Variants in CACNB2 observed in about 807,000 individuals in gnomAD.
The protein encoded by CACNB2 is calcium voltage-gated channel auxiliary subunit beta 2.
CACNB2 carries 42 observed loss-of-function variants against 73.3 expected under a neutral mutation model. The ratio of observed to expected loss-of-function variants is 0.57; its 90% CI spans 0.45 to 0.74. The LOEUF (loss-of-function observed/expected upper bound fraction) is 0.74. Ranked by LOEUF, CACNB2 falls within the 30% of genes least tolerant of loss-of-function variation. The pLI, the probability that CACNB2 is intolerant of heterozygous loss-of-function variation, is 0.00. For synonymous variants in CACNB2, 348 were observed against 310.3 expected (o/e 1.12, Z -1.28); for missense variants, 940 against 853.0 (o/e 1.10, Z -1.27).
chr10:18,507,219 A>C (rs1274279869), intron 6 of CACNB2, among the ~76,000 whole-genome samples: 2 of 152,202 alleles, frequency 1.3e-5, no homozygotes, highest in Non-Finnish European at 2.9e-5. Context: ...CAGAAGGATA[A>C]AAACTTTAGA....
At chr10:18,285,806 G>T (rs144043720) in intron 2 of CACNB2, among the ~76,000 whole-genome samples, 1 of 151,880 alleles carries the variant, frequency 6.6e-6, no homozygotes, top group Admixed American at 6.6e-5. Flanking sequence ...CTATAAACTC[G>T]ATCCTTTCAA....
chr10:18,257,569 A>G (rs755360095), intron 2 of CACNB2, among the ~76,000 whole-genome samples: 2 of 152,222 alleles, frequency 1.3e-5, no homozygotes, highest in Non-Finnish European at 2.9e-5. Flanking sequence ...GTGCTTTTGC[A>G]TCTTCTGCCC....
chr10:18,537,850 G>T (rs2053756954), intron 12 of CACNB2, among the ~76,000 whole-genome samples: 1 of 152,132 alleles, frequency 6.6e-6, no homozygotes, highest in Non-Finnish European at 1.5e-5. Flanking sequence ...ATTCTATTCT[G>T]TTCAAATATA....
In CACNB2 at chr10:18,148,017, T is replaced by A. The variant is rs919101116; in HGVS notation, c.121-2866T>A. On this transcript the variant is annotated intron_variant, in intron 1 of 13. Transcript: ENST00000324631. ...ATTAGCTTTCCAAAGATGCTTTAAA[T>A]GTTTTTTTGTTTTCTGATCCTGACT... Among the ~76,000 whole-genome samples the A allele has an allele frequency of 3.0e-4, 46 of 152,088 alleles. 2 individuals are homozygous for A. The highest frequency in any genetic ancestry group is 6.5e-5 in the Admixed American group (1 of 15,270).
chr10:18,170,201 T>C (rs1306503320), intron 2 of CACNB2, among the ~76,000 whole-genome samples: 1 of 152,158 alleles, frequency 6.6e-6, no homozygotes, highest in Non-Finnish European at 1.5e-5. Context: ...AGGCTAAGAA[T>C]GAGGAGGGGT....
intron 2 of CACNB2, among the ~76,000 whole-genome samples, chr10:18,307,117 G>T (rs755267958): frequency 3.3e-5 from 5 of 152,020 alleles, no homozygotes; most frequent in Non-Finnish European, 5.9e-5. Context: ...AATAAGCTAG[G>T]TGAAATCGTG....
chr10:18,480,461 G>T (rs1323339108), intron 3 of CACNB2, among the ~76,000 whole-genome samples: 1 of 152,178 alleles, frequency 6.6e-6, no homozygotes, highest in African/African-American at 2.4e-5. Context: ...GAATGATGTT[G>T]TTACTAGTCC....
intron 6 of CACNB2, chr10:18,513,554 A>C (rs1328726519): frequency 2.5e-6 from 1 of 396,160 alleles, no homozygotes; most frequent in East Asian, 8.0e-5. Context: ...TCCTGGGCCA[A>C]ATGCATTGTT....
At chr10:18,460,665 A>G (rs1190081805) in intron 3 of CACNB2, among the ~76,000 whole-genome samples, 2 of 152,002 alleles carry the variant, frequency 1.3e-5, no homozygotes, top group African/African-American at 2.4e-5. Flanking sequence ...TCAAGGCGGG[A>G]AGATCACTTG....
intron 5 of CACNB2, 29 bp from the exon 6 acceptor site, chr10:18,506,442 A>G (rs1184994781): frequency 2.3e-6 from 3 of 1,308,790 alleles, no homozygotes; most frequent in South Asian, 1.2e-5. Flanking sequence ...TAAGTGTCAG[A>G]TTTAATAGAA....
chr10:18,375,871 G>A lies in CACNB2; in HGVS notation c.214-26053G>A, dbSNP rs117555312. On this transcript the variant is annotated intron_variant, in intron 2 of 13. Coordinates refer to ENST00000324631, the MANE Select transcript of CACNB2 (RefSeq NM_201596.3). Reference sequence around the variant, plus strand: ...ACAGAAATATTTTTACATCAGTTGAGGTAACTGGATTTAATCACTGGATTA... The same window carrying A: ...ACAGAAATATTTTTACATCAGTTGAAGTAACTGGATTTAATCACTGGATTA... Among the ~76,000 whole-genome samples the A allele has an allele frequency of 1.8e-4, 27 of 152,218 alleles. No individual in the cohort carries two copies. The East Asian group carries it at 5.2e-3, about 29-fold the overall frequency.
chr10:18,468,284 C>G (rs1021488021), intron 3 of CACNB2, among the ~76,000 whole-genome samples: 5 of 152,064 alleles, frequency 3.3e-5, no homozygotes, highest in African/African-American at 1.2e-4. Flanking sequence ...ATGGCGAAAA[C>G]CCATCTCCAC....
At chr10:18,160,590 A>G (rs1315480575) in intron 2 of CACNB2, among the ~76,000 whole-genome samples, 1 of 152,202 alleles carries the variant, frequency 6.6e-6, no homozygotes, top group East Asian at 1.9e-4. Flanking sequence ...ATTTCCTTAA[A>G]TTCTGAATTT....
At chr10:18,453,461 G>A (rs1321012749) in intron 3 of CACNB2, among the ~76,000 whole-genome samples, 2 of 152,052 alleles carry the variant, frequency 1.3e-5, no homozygotes, top group African/African-American at 2.4e-5. Flanking sequence ...CCCTCCATGA[G>A]GCTTGGAATC....
chr10:18,527,551 TAACC>T (rs2052602320), intron 9 of CACNB2, 33 bp from the exon 10 acceptor site: 1 of 1,361,796 alleles, frequency 7.3e-7, no homozygotes, highest in African/African-American at 1.4e-5. Context: ...ATTAGACCAA[TAACC>T]TTAAGGTCTT....
intron 3 of CACNB2, among the ~76,000 whole-genome samples, chr10:18,467,085 C>A (rs924171720): frequency 6.6e-6 from 1 of 151,964 alleles, no homozygotes; most frequent in Non-Finnish European, 1.5e-5. Flanking sequence ...ACTCAGGAGG[C>A]GGAAGTTGCA....
chr10:18,174,026 A>T (rs2033421011), intron 2 of CACNB2, among the ~76,000 whole-genome samples: 3 of 152,200 alleles, frequency 2.0e-5, no homozygotes, highest in Admixed American at 1.3e-4. Flanking sequence ...AAGAGGATTC[A>T]TTCTGTAAGA....
intron 2 of CACNB2, among the ~76,000 whole-genome samples, chr10:18,174,088 A>C (rs2033424684): frequency 1.3e-5 from 2 of 152,150 alleles, no homozygotes; most frequent in African/African-American, 2.4e-5. Flanking sequence ...AATTTGTAAA[A>C]ATTTTCTTGT....
chr10:18,220,230 T>TAGAGAGAG (rs1352080814), intron 2 of CACNB2, among the ~76,000 whole-genome samples: 16 of 34,454 alleles, frequency 4.6e-4, no homozygotes, highest in East Asian at 2.2e-3. Flanking sequence ...TATATATATA[T>TAGAGAGAG]ATAGAGAGAG....
Sources: gnomAD v4.1 joint callset for allele counts (sites outside exome capture counted in the v4.1 genomes callset) on GRCh38, gnomAD v4.1.1 for gene constraint, MANE v1.5 for transcripts, NCBI Gene and HGNC (gene_info 2026-07-23, HGNC 2026-07-21) for gene names.